Variants in GRIN2B observed in about 807,000 individuals in gnomAD.
GRIN2B encodes the protein glutamate ionotropic receptor NMDA type subunit 2B, also known as glutamate receptor ionotropic, NMDA 2B.
GRIN2B carries 5 observed loss-of-function variants against 114.5 expected under a neutral mutation model. That is an observed-to-expected ratio of 0.04 (90% CI 0.02 to 0.09). The LOEUF is 0.09. Among genes scored for constraint, GRIN2B ranks in the 10% least tolerant of loss-of-function variants. The probability of loss-of-function intolerance (pLI) is 1.00; values close to 1 mark genes in which losing one functional copy is unlikely to be tolerated. For synonymous variants in GRIN2B, 787 were observed against 745.1 expected, an observed-to-expected ratio of 1.06 and a Z score of -0.92; for missense variants, 1,108 against 1,943.5, an observed-to-expected ratio of 0.57 and a Z score of 8.08.
At chr12:13,667,294 C>T (rs1280389246) in intron 5 of GRIN2B, among the ~76,000 whole-genome samples, 1 of 152,142 alleles carries the variant, frequency 6.6e-6, no homozygotes, top group Non-Finnish European at 1.5e-5. Context: ...AAAGAGAAAA[C>T]CCTCTGGGAC....
intron 2 of GRIN2B, among the ~76,000 whole-genome samples, chr12:13,937,077 A>C (rs1424708082): frequency 7.8e-6 from 1 of 128,314 alleles, no homozygotes; most frequent in East Asian, 3.0e-4. Flanking sequence ...TTCAAACAGC[A>C]CAGAAATAAA....
chr12:13,854,494 G>A (rs959855788), intron 3 of GRIN2B, among the ~76,000 whole-genome samples: 2 of 151,718 alleles, frequency 1.3e-5, no homozygotes, highest in Non-Finnish European at 2.9e-5. Context: ...TGGGTGACAG[G>A]GTGAGACTCC....
intron 3 of GRIN2B, among the ~76,000 whole-genome samples, chr12:13,758,190 A>G (rs1480863320): frequency 6.6e-6 from 1 of 152,142 alleles, no homozygotes; most frequent in African/African-American, 2.4e-5. Context: ...GGATTTCTGA[A>G]GCTTCCATTA....
intron 4 of GRIN2B, among the ~76,000 whole-genome samples, chr12:13,682,808 A>G (rs1368901160): frequency 1.3e-5 from 2 of 152,182 alleles, no homozygotes; most frequent in Admixed American, 1.3e-4. Context: ...TTCACCATCT[A>G]TTATGAAGAA....
At chr12:13,617,194 C>G (rs1246115864) in intron 5 of GRIN2B, among the ~76,000 whole-genome samples, 1 of 152,180 alleles carries the variant, frequency 6.6e-6, no homozygotes. Flanking sequence ...GTGGGGAGAG[C>G]TAGGTGGATC....
At chr12:13,807,672 T>A (rs1332746269) in intron 3 of GRIN2B, among the ~76,000 whole-genome samples, 1 of 151,370 alleles carries the variant, frequency 6.6e-6, no homozygotes, top group Non-Finnish European at 1.5e-5. Flanking sequence ...CCTCCTTGTT[T>A]CAGAATATTA....
chr12:13,660,948 A>G (rs1178401039), intron 5 of GRIN2B, among the ~76,000 whole-genome samples: 1 of 152,086 alleles, frequency 6.6e-6, no homozygotes, highest in Non-Finnish European at 1.5e-5. Flanking sequence ...TAAAATCATC[A>G]AGCTTTCTCT....
intron 1 of GRIN2B, among the ~76,000 whole-genome samples, chr12:13,980,884 G>C (rs1863121198): frequency 6.6e-6 from 1 of 151,730 alleles, no homozygotes; most frequent in African/African-American, 2.4e-5. Context: ...TTCTTGGAAG[G>C]GGCACACTGA....
At position 13,753,346 on chromosome 12, in the gene GRIN2B, C is replaced by T. The variant is rs1863519417; in HGVS notation, c.981G>A (p.Lys327=). The change falls in exon 4 of 14, where the codon AAG becomes AAA. Residue 327 remains lysine, a synonymous_variant. Coordinates refer to ENST00000609686, the MANE Select transcript of GRIN2B (RefSeq NM_000834.5). The surrounding 1 kb of genome is among the most constrained non-coding windows in gnomAD (Gnocchi z 6.2). Reference sequence around the variant, plus strand: ...TTAGCATATTGGACTGGTAGATTCTCTTCTCGTGGGTGTTGTAACAACTGC... The same window carrying T: ...TTAGCATATTGGACTGGTAGATTCTTTTCTCGTGGGTGTTGTAACAACTGC... ...PKSSCYNTHE[K]RIYQSNMLNR... The T allele has an allele frequency of 1.9e-6, 3 of 1,607,354 alleles. No individual in the cohort carries two copies. The highest frequency in any genetic ancestry group is 2.2e-5 in the East Asian group (1 of 44,850).
chr12:13,609,474 G>C (rs144245203), intron 9 of GRIN2B, among the ~76,000 whole-genome samples: 7 of 152,040 alleles, frequency 4.6e-5, no homozygotes, highest in Non-Finnish European at 8.8e-5. Flanking sequence ...AGAAGCTTGC[G>C]TGTAAAAGAA....
Position 13,621,618 on chromosome 12 carries a change from T to G in GRIN2B, c.1126-4961A>C, listed in dbSNP as rs1229419421. Among the ~76,000 whole-genome samples the G allele has an allele frequency of 7.0e-4, 100 of 141,890 alleles. 10 individuals carry two copies. The highest frequency in any genetic ancestry group is 2.5e-3 in the African/African-American group (89 of 36,130). The allele number at this position is 141,890 out of a possible 152,430, so 93.1% of individuals were successfully genotyped here. ...AAAAAAATTGCCTAGTTTTTGTTTTTTTTTTTTTTTTTTTTTTTTTTTCAG... is the reference window on the plus strand; with the variant it reads ...AAAAAAATTGCCTAGTTTTTGTTTTGTTTTTTTTTTTTTTTTTTTTTTCAG... On this transcript the variant is annotated intron_variant, in intron 5 of 13. Transcript: ENST00000609686.
At chr12:13,577,265 C>T (rs1214277374) in intron 10 of GRIN2B, among the ~76,000 whole-genome samples, 1 of 152,246 alleles carries the variant, frequency 6.6e-6, no homozygotes, top group East Asian at 1.9e-4. Flanking sequence ...TGAGCACACA[C>T]TTGCACAAGG....
At chr12:13,833,252 C>G (rs562702717) in intron 3 of GRIN2B, among the ~76,000 whole-genome samples, 1 of 152,302 alleles carries the variant, frequency 6.6e-6, no homozygotes, top group African/African-American at 2.4e-5. Context: ...ATCACTAAAA[C>G]ATCTCACAAT....
rs904898367 is a variant in GRIN2B, at chr12:13,557,863, T to C, written c.*4920A>G. ...TTAGGTGATTAAATGTATACATCCCTAATATGGCTTAATATGTCACCTTTC... is the reference window on the plus strand; with the variant it reads ...TTAGGTGATTAAATGTATACATCCCCAATATGGCTTAATATGTCACCTTTC... On this transcript the variant is annotated 3_prime_UTR_variant, in exon 14 of 14. Coordinates refer to ENST00000609686, the MANE Select transcript of GRIN2B (RefSeq NM_000834.5). The C allele has an allele frequency of 2.0e-5, 3 of 152,230 alleles. No homozygotes were observed. Among genetic ancestry groups the C allele is most frequent in the African/African-American group, 7.2e-5 (3 of 41,460 alleles). 9.4% of individuals were successfully genotyped at this position (152,230 alleles called of 1,614,324 possible). A position where few individuals can be genotyped will look rare whatever the true frequency, so the allele number is the denominator to read the frequency against.
intron 2 of GRIN2B, among the ~76,000 whole-genome samples, chr12:13,963,556 C>T (rs1051134370): frequency 2.6e-5 from 4 of 152,296 alleles, no homozygotes; most frequent in Admixed American, 6.5e-5. Flanking sequence ...CAGTTCCAGG[C>T]GCTTTACATA....
chr12:13,903,144 AG>A (rs1866482785), intron 2 of GRIN2B, among the ~76,000 whole-genome samples: 1 of 152,064 alleles, frequency 6.6e-6, no homozygotes. Context: ...TGTGTTGACC[AG>A]CCTTACCAGA....
At chr12:13,779,648 G>C (rs1293892879) in intron 3 of GRIN2B, among the ~76,000 whole-genome samples, 1 of 152,102 alleles carries the variant, frequency 6.6e-6, no homozygotes, top group Non-Finnish European at 1.5e-5. Flanking sequence ...TTAATTCCTA[G>C]TGTGTATTTT....
At chr12:13,679,803 T>G (rs1591672511) in intron 4 of GRIN2B, among the ~76,000 whole-genome samples, 1 of 152,098 alleles carries the variant, frequency 6.6e-6, no homozygotes, top group South Asian at 2.1e-4. Flanking sequence ...ATTGGGGGTG[T>G]GGTCACTTCT....
intron 2 of GRIN2B, among the ~76,000 whole-genome samples, chr12:13,962,963 T>C (rs1303749598): frequency 6.6e-6 from 1 of 152,176 alleles, no homozygotes; most frequent in Non-Finnish European, 1.5e-5. Context: ...CAGACCTCCT[T>C]TCAGCCCCTC....
Sources: gnomAD v4.1 joint callset for allele counts (sites outside exome capture counted in the v4.1 genomes callset) on GRCh38, gnomAD v4.1.1 for gene constraint, Gnocchi (gnomAD v3.1) non-coding constraint, MANE v1.5 for transcripts, NCBI Gene and HGNC (gene_info 2026-07-23, HGNC 2026-07-21) for gene names.